The following CUX2 variants were observed in gnomAD, a reference collection of about 807,000 sequenced individuals.
The protein encoded by CUX2 is homeobox protein cut-like 2.
CUX2 carries 40 observed loss-of-function variants against 144.8 expected under a neutral mutation model. The ratio of observed to expected loss-of-function variants is 0.28; its 90% CI spans 0.21 to 0.36. The LOEUF is 0.36. CUX2 is among the 10% of genes least tolerant of loss of function. The pLI is 1.00. For missense variants in CUX2, 1,615 were observed against 1,994.0 expected (o/e 0.81, Z 3.62); for synonymous variants, 827 against 875.6 (o/e 0.94, Z 0.98).
At chr12:111,046,708 G>A (rs1870010190) in intron 1 of CUX2, among the ~76,000 whole-genome samples, 1 of 152,164 alleles carries the variant, frequency 6.6e-6, no homozygotes, top group Non-Finnish European at 1.5e-5. Context: ...CCAGGCTGGA[G>A]TGCAGTGGCG....
chr12:111,311,621 C>T (rs1195836413), intron 15 of CUX2, among the ~76,000 whole-genome samples: 4 of 128,508 alleles, frequency 3.1e-5, no homozygotes, highest in Non-Finnish European at 4.6e-5. Context: ...TTTTTTGAGA[C>T]GGAGTCTTGT....
chr12:111,312,075 C>T lies in CUX2; in HGVS notation c.1901-25C>T. 6.3e-7 allele frequency: 1 copy of T among 1,596,740 alleles called. No homozygotes were observed. The highest frequency in any genetic ancestry group is 1.1e-5 in the South Asian group (1 of 90,220). ...ACTGAGCCCAACATGCAGATCCTGC[C>T]ACAGATGCCTTCTTGCCTCCCCAGG... is the stretch of plus-strand genomic sequence containing the variant. On this transcript the variant is annotated intron_variant, in intron 15 of 21. Coordinates refer to ENST00000261726, the MANE Select transcript of CUX2 (RefSeq NM_015267.4). The surrounding 1 kb of genome is among the most constrained non-coding windows in gnomAD (Gnocchi z 4.3).
intron 1 of CUX2, among the ~76,000 whole-genome samples, chr12:111,129,835 G>A (rs1456606502): frequency 1.3e-5 from 2 of 152,180 alleles, no homozygotes; most frequent in East Asian, 3.8e-4. Flanking sequence ...TGTGTCTGCT[G>A]GGTATGTCTA....
chr12:111,213,105 G>T (rs1032617278), intron 1 of CUX2, among the ~76,000 whole-genome samples: 5 of 152,192 alleles, frequency 3.3e-5, no homozygotes. Context: ...TAATAAATCT[G>T]ATTGCAGAAA....
At chr12:111,051,064 C>T (rs1008901117) in intron 1 of CUX2, among the ~76,000 whole-genome samples, 2 of 152,306 alleles carry the variant, frequency 1.3e-5, no homozygotes, top group East Asian at 1.9e-4. Context: ...GGTCATTACA[C>T]ATTCTATGCA....
At chr12:111,198,860 TG>T (rs1880402234) in intron 1 of CUX2, among the ~76,000 whole-genome samples, 1 of 152,168 alleles carries the variant, frequency 6.6e-6, no homozygotes, top group Non-Finnish European at 1.5e-5. Context: ...TGCATAGAGT[TG>T]GGCAGAGAGG....
rs946243102 is a variant in CUX2, at chr12:111,312,667, T to TCCA, written c.2002+467_2002+469dup. 1.3e-5 allele frequency among the ~76,000 whole-genome samples: 2 copies of TCCA among 150,914 alleles called. No individual in the cohort carries two copies. Among genetic ancestry groups the TCCA allele is most frequent in the African/African-American group, 4.9e-5 (2 of 40,926 alleles). On this transcript the variant is annotated intron_variant, in intron 16 of 21. Transcript: ENST00000261726. The surrounding 1 kb of genome is among the most constrained non-coding windows in gnomAD (Gnocchi z 4.3). ...GTGAGCCGAGATCACACCACTGCAC[T>TCCA]CCAGCCTAGGTGACAAAGCAAGACT...
Position 111,320,625 on chromosome 12 carries a change from G to A in CUX2, c.2616G>A (p.Val872=), listed in dbSNP as rs781461675. 6.3e-7 allele frequency: 1 copy of A among 1,589,296 alleles called. No individual in the cohort carries two copies. Among genetic ancestry groups the A allele is most frequent in the Non-Finnish European group, 8.5e-7 (1 of 1,175,612 alleles). ...GARLPYYPAY[V]PRTLKPTVPP... ...GGCTGCCCTACTACCCGGCCTACGTGCCGCGCACCCTGAAGCCCACCGTGC... is the reference window on the plus strand; with the variant it reads ...GGCTGCCCTACTACCCGGCCTACGTACCGCGCACCCTGAAGCCCACCGTGC... Residue 872 remains valine (V), a synonymous_variant, in exon 17 of 22, where the codon GTG becomes GTA. Transcript: ENST00000261726. The surrounding 1 kb of genome is among the most constrained non-coding windows in gnomAD (Gnocchi z 8.1).
chr12:111,257,412 CTT>C (rs1431343036), intron 3 of CUX2, among the ~76,000 whole-genome samples: 3 of 47,106 alleles, frequency 6.4e-5, no homozygotes, highest in Non-Finnish European at 8.6e-5. Flanking sequence ...CCCCCTCCCA[CTT>C]CTTCCTCCCC....
chr12:111,278,005 A>G (rs932225261), intron 4 of CUX2, among the ~76,000 whole-genome samples: 5 of 152,162 alleles, frequency 3.3e-5, no homozygotes, highest in African/African-American at 4.8e-5. Context: ...GGGGCTGCCT[A>G]TGTTCCTTGG....
intron 4 of CUX2, among the ~76,000 whole-genome samples, chr12:111,285,066 C>T (rs1294191948): frequency 6.6e-6 from 1 of 152,186 alleles, no homozygotes; most frequent in Non-Finnish European, 1.5e-5. Flanking sequence ...GCCCTGCACC[C>T]TCCTGAGCAT....
Position 111,128,023 on chromosome 12 carries a change from A to G in CUX2, c.64-86177A>G, listed in dbSNP as rs553100799. On this transcript the variant is annotated intron_variant, in intron 1 of 21. Coordinates refer to ENST00000261726, the MANE Select transcript of CUX2 (RefSeq NM_015267.4). ...AGATTTGGGTGGGGACACAGAGCCA[A>G]ACCATATCAGTGGGTAATAGTGAGT... is the stretch of plus-strand genomic sequence containing the variant. 2.0e-5 allele frequency among the ~76,000 whole-genome samples: 3 copies of G among 152,298 alleles called. No homozygotes were observed. In the East Asian group the frequency reaches 5.8e-4, roughly 29 times the overall value.
chr12:111,289,185 A>G lies in CUX2; in HGVS notation c.302-2233A>G, dbSNP rs920530402. Reference sequence around the variant, plus strand: ...GAGACCAGGAAGAGACAGGGCTTCCATGCATTAGAAAGAACTGAACCAGAC... The same window carrying G: ...GAGACCAGGAAGAGACAGGGCTTCCGTGCATTAGAAAGAACTGAACCAGAC... On this transcript the variant is annotated intron_variant, in intron 4 of 21. Coordinates refer to ENST00000261726, the MANE Select transcript of CUX2 (RefSeq NM_015267.4). The surrounding 1 kb of genome is among the most constrained non-coding windows in gnomAD (Gnocchi z 4.1). Among the ~76,000 whole-genome samples, 1 of 152,182 alleles carries G rather than the reference A, an allele frequency of 6.6e-6. No homozygotes were observed. The highest frequency in any genetic ancestry group is 2.4e-5 in the African/African-American group (1 of 41,456).
chr12:111,342,343 C>T (rs973541048), intron 21 of CUX2, among the ~76,000 whole-genome samples: 5 of 152,058 alleles, frequency 3.3e-5, no homozygotes, highest in East Asian at 1.9e-4. Context: ...TAGTTGTGTG[C>T]GGTGGCATAC....
At chr12:111,075,831 A>G (rs1436039865) in intron 1 of CUX2, among the ~76,000 whole-genome samples, 1 of 151,942 alleles carries the variant, frequency 6.6e-6, no homozygotes, top group African/African-American at 2.4e-5. Flanking sequence ...GCCAGGTTCC[A>G]CTCTGCCTAG....
At chr12:111,324,604 G>A (rs1201540811) in intron 18 of CUX2, among the ~76,000 whole-genome samples, 6 of 151,928 alleles carry the variant, frequency 3.9e-5, no homozygotes, top group South Asian at 2.1e-4. Context: ...GGGTTCAAGC[G>A]ATTCTCCTGC....
intron 4 of CUX2, among the ~76,000 whole-genome samples, chr12:111,269,915 C>T (rs1460616432): frequency 5.3e-5 from 8 of 152,188 alleles, no homozygotes; most frequent in Non-Finnish European, 1.0e-4. Context: ...CCAGCTGTCA[C>T]CGACTTAGAG....
intron 19 of CUX2, among the ~76,000 whole-genome samples, chr12:111,335,740 T>C (rs1888323548): frequency 6.6e-6 from 1 of 151,934 alleles, no homozygotes; most frequent in African/African-American, 2.4e-5. Context: ...CTTCCTAAAA[T>C]TAGCTGCAAA....
intron 1 of CUX2, among the ~76,000 whole-genome samples, chr12:111,094,043 G>A (rs1872684146): frequency 6.6e-6 from 1 of 152,242 alleles, no homozygotes; most frequent in Non-Finnish European, 1.5e-5. Context: ...GTTTAAATAA[G>A]TATCTAATAG....
Sources: gnomAD v4.1 joint callset for allele counts (sites outside exome capture counted in the v4.1 genomes callset) on GRCh38, gnomAD v4.1.1 for gene constraint, Gnocchi (gnomAD v3.1) non-coding constraint, MANE v1.5 for transcripts, NCBI Gene and HGNC (gene_info 2026-07-23, HGNC 2026-07-21) for gene names.